RNPS1: variants seen among roughly 807,000 people sequenced by gnomAD.
RNPS1 encodes RNA-binding protein with serine-rich domain 1.
For synonymous variants in RNPS1, 147 were observed against 150.0 expected (o/e 0.98, Z 0.15); for missense variants, 300 against 427.6 (o/e 0.70, Z 2.63).
At chr16:2,254,740 CTTTTT>C (rs11315814) in intron 7 of RNPS1, among the ~76,000 whole-genome samples, 47 of 103,606 alleles carry the variant, frequency 4.5e-4, no homozygotes, top group African/African-American at 1.5e-3. Context: ...AAAGTTTTAC[CTTTTT>C]TTTTTTTTTT....
In RNPS1 at chr16:2,262,887, A is replaced by T. The variant is rs762622656; in HGVS notation, c.420-45T>A. 2.5e-5 allele frequency: 39 copies of T among 1,550,590 alleles called. No homozygotes were observed. The East Asian group carries it at 8.5e-4, about 34-fold the overall frequency. On this transcript the variant is annotated intron_variant, in intron 4 of 7. Coordinates refer to ENST00000320225, the MANE Select transcript of RNPS1 (RefSeq NM_080594.4). ...ACCAGAAACAATTTCTGTCAAGTCA[A>T]AATGTACTAGACGCCTTTCGAGTAA...
chr16:2,263,041 G>T, intron 4 of RNPS1, 55 bp downstream of exon 4: 1 of 1,561,766 alleles, frequency 6.4e-7, no homozygotes. Context: ...AACCTCGATG[G>T]TAAATCTGTA....
At chr16:2,254,111 C>A (rs1270182334) in intron 7 of RNPS1, 48 bp from the exon 8 acceptor site, 2 of 1,307,420 alleles carry the variant, frequency 1.5e-6, no homozygotes, top group African/African-American at 1.5e-5. Context: ...GCTGTAGGGG[C>A]AAGCTAGCTT....
At position 2,264,168 on chromosome 16, in the gene RNPS1, C is replaced by G. The variant is rs758132593; in HGVS notation, c.227+8G>C. 3 of 1,612,504 alleles carry G rather than the reference C, an allele frequency of 1.9e-6. No individual in the cohort carries two copies. Among genetic ancestry groups the G allele is most frequent in the Non-Finnish European group, 2.5e-6 (3 of 1,180,008 alleles). On this transcript the variant is annotated splice_region_variant and intron_variant, in intron 3 of 7. Coordinates refer to ENST00000320225, the MANE Select transcript of RNPS1 (RefSeq NM_080594.4). ...GTCCTCTCCAGGCTCCAGGCCAGCC[C>G]GCCCCACCTGGTACTGCTGCTACCA...
At chr16:2,264,117 G>C in intron 3 of RNPS1, 59 bp downstream of exon 3, 1 of 1,585,560 alleles carries the variant, frequency 6.3e-7, no homozygotes, top group Non-Finnish European at 8.6e-7. Flanking sequence ...CCATCTGTGG[G>C]GAGTGGGGGT....
intron 3 of RNPS1, among the ~76,000 whole-genome samples, chr16:2,263,588 A>C (rs1484334930): frequency 6.6e-6 from 1 of 152,224 alleles, no homozygotes; most frequent in Admixed American, 6.5e-5. Context: ...CAGGCTGGGA[A>C]GGCAGCTGCT....
At chr16:2,258,124 G>A (rs1477874137) in intron 6 of RNPS1, 2 of 152,176 alleles carry the variant, frequency 1.3e-5, no homozygotes, top group African/African-American at 2.4e-5. Context: ...AAGTGTTTAA[G>A]AAATAAACTG....
chr16:2,264,518 T>G, intron 2 of RNPS1, 55 bp downstream of exon 2: 1 of 1,572,132 alleles, frequency 6.4e-7, no homozygotes, highest in East Asian at 2.2e-5. Flanking sequence ...TTTCTGCGGG[T>G]CCCTAGCAGT....
rs530578784 is a variant in RNPS1, at chr16:2,254,281, G to T, written c.819-218C>A. ...CTCCCATGCAACTGGGACTACAGGC[G>T]CGCGCCACCACGCCCAGCTAATTTT... On this transcript the variant is annotated intron_variant, in intron 7 of 7. Coordinates refer to ENST00000320225, the MANE Select transcript of RNPS1 (RefSeq NM_080594.4). Among the ~76,000 whole-genome samples the T allele has an allele frequency of 2.7e-5, 4 of 150,684 alleles. No individual in the cohort carries two copies. The East Asian group carries it at 7.8e-4, about 29-fold the overall frequency.
At chr16:2,266,540 G>C in intron 1 of RNPS1, 2 of 972,680 alleles carry the variant, frequency 2.1e-6, no homozygotes, top group Non-Finnish European at 2.4e-6. Flanking sequence ...CAACCTTATA[G>C]TTACCCAGGG....
intron 1 of RNPS1, chr16:2,267,809 C>T (rs1404930415): frequency 6.9e-6 from 10 of 1,455,162 alleles, no homozygotes; most frequent in African/African-American, 5.9e-5. Flanking sequence ...GCTGGGCCAC[C>T]GCCGAGCGGA....
Position 2,262,372 on chromosome 16 carries a change from C to T in RNPS1, c.582G>A (p.Val194=). ...TGGACAGATGGGGATGCATCCTTTC[C>T]ACGGGCATGTCAATCATTTTAATTT... The part of the protein sequence containing the change: ...YGKIKMIDMP[V]ERMHPHLSKG... Residue 194 remains valine, a synonymous_variant, in exon 6 of 8, where the codon GTG becomes GTA. Transcript: ENST00000320225. 1.2e-6 allele frequency: 2 copies of T among 1,614,032 alleles called. No homozygotes were observed. The highest frequency in any genetic ancestry group is 1.1e-5 in the South Asian group (1 of 91,078).
intron 6 of RNPS1, among the ~76,000 whole-genome samples, chr16:2,261,908 AAGTC>A (rs774469184): frequency 3.3e-5 from 5 of 152,254 alleles, no homozygotes; most frequent in Non-Finnish European, 7.3e-5. Flanking sequence ...AATAGATTAA[AAGTC>A]AGTAACTTAT....
intron 6 of RNPS1, chr16:2,258,008 C>T (rs982311636): frequency 6.6e-6 from 1 of 152,232 alleles, no homozygotes; most frequent in Non-Finnish European, 1.5e-5. Flanking sequence ...AAATGCTGCA[C>T]TGAGGACAAA....
At chr16:2,267,424 G>A in intron 1 of RNPS1, 1 of 976,170 alleles carries the variant, frequency 1.0e-6, no homozygotes, top group Non-Finnish European at 1.2e-6. Context: ...GCCCCTCTGG[G>A]GTAACCCATC....
intron 1 of RNPS1, chr16:2,267,367 A>G: frequency 2.0e-6 from 2 of 984,528 alleles, no homozygotes; most frequent in Non-Finnish European, 2.4e-6. Context: ...CAAGACAAAA[A>G]GCCTACTCCA....
intron 1 of RNPS1, 56 bp downstream of exon 1, chr16:2,267,998 CG>C (rs1157583876): frequency 2.3e-5 from 36 of 1,533,366 alleles, no homozygotes; most frequent in Middle Eastern, 4.5e-4. Context: ...GGCGTCCTGC[CG>C]GGCCTGCCGG....
intron 6 of RNPS1, 47 bp downstream of exon 6, chr16:2,262,231 G>C (rs369941473): frequency 1.9e-6 from 3 of 1,575,296 alleles, no homozygotes; most frequent in Non-Finnish European, 1.7e-6. Context: ...AGCCCCTCGC[G>C]GCGGCGGGTC....
At chr16:2,265,404 AG>A (rs2093621083) in intron 1 of RNPS1, 1 of 152,084 alleles carries the variant, frequency 6.6e-6, no homozygotes, top group East Asian at 1.9e-4. Context: ...TCACTTTTAA[AG>A]AAAAAATAAG....
Sources: allele counts gnomAD v4.1 joint callset (sites outside exome capture counted in the v4.1 genomes callset), GRCh38; gene constraint gnomAD v4.1.1; transcripts MANE v1.5; gene names NCBI Gene and HGNC (gene_info 2026-07-23, HGNC 2026-07-21).